Variants in EDRF1 observed in about 807,000 individuals in gnomAD.
EDRF1 encodes the protein erythroid differentiation regulatory factor 1.
In EDRF1, 69 loss-of-function variants were observed where a neutral mutation model predicts 148.7. The ratio of observed to expected loss-of-function variants is 0.46; its 90% CI spans 0.38 to 0.57. The LOEUF is 0.57. Ranked by LOEUF, EDRF1 falls within the 20% of genes least tolerant of loss-of-function variation. The probability of loss-of-function intolerance (pLI) is 0.00; values close to 1 mark genes in which losing one functional copy is unlikely to be tolerated. For missense variants in EDRF1, 1,118 were observed against 1,478.7 expected (o/e 0.76, Z 4.00); for synonymous variants, 515 against 532.8 (o/e 0.97, Z 0.46).
chr10:125,756,698 A>G (rs1425292717), intron 24 of EDRF1: 2 of 344,022 alleles, frequency 5.8e-6, no homozygotes, highest in Non-Finnish European at 1.1e-5. Flanking sequence ...TTGATAATAT[A>G]GCTACTCAAC....
intron 13 of EDRF1, 115 bp downstream of exon 13, chr10:125,736,019 C>T (rs553713350): frequency 2.0e-6 from 2 of 1,024,234 alleles, no homozygotes; most frequent in African/African-American, 3.2e-5. Flanking sequence ...GGTCTAGCAT[C>T]TAGTAATCAT....
At chr10:125,731,258 A>C (rs1047866090) in intron 9 of EDRF1, among the ~76,000 whole-genome samples, 1 of 152,244 alleles carries the variant, frequency 6.6e-6, no homozygotes, top group Non-Finnish European at 1.5e-5. Context: ...TAATATGCAG[A>C]GAGAACAGTA....
In EDRF1 at chr10:125,738,003, T is replaced by G. The variant is rs1230757713; in HGVS notation, c.1830+14T>G. On this transcript the variant is annotated intron_variant, in intron 14 of 24. Coordinates refer to ENST00000356792, the MANE Select transcript of EDRF1 (RefSeq NM_001202438.2). ...TATGTTCTAGAGGTAAGTTTAAGTT[T>G]AGTCTTCACTTTTTTCGTAAAGTTT... 11 of 1,612,332 alleles carry G rather than the reference T, an allele frequency of 6.8e-6. No homozygotes were observed. The highest frequency in any genetic ancestry group is 9.3e-6 in the Non-Finnish European group (11 of 1,178,428).
In EDRF1 at chr10:125,763,348, A is replaced by G; in HGVS notation, c.3593A>G (p.Tyr1198Cys). 1 of 1,613,540 alleles carries G rather than the reference A, an allele frequency of 6.2e-7. No individual in the cohort carries two copies. Among genetic ancestry groups the G allele is most frequent in the Non-Finnish European group, 8.5e-7 (1 of 1,179,982 alleles). The change falls in exon 25 of 25, where the codon TAC becomes TGC. Residue 1198 changes from tyrosine to cysteine, a missense_variant. By Grantham distance (194) the Tyr-to-Cys change is radical. Coordinates refer to ENST00000356792, the MANE Select transcript of EDRF1 (RefSeq NM_001202438.2). This position sits in a 1 kb window ranked among gnomAD's most constrained non-coding sequence, Gnocchi z 4.3. The part of the protein sequence containing the change: ...DTILKTNKHI[Y>C]SQLLRATANK... ...ATTCTCAAAACCAACAAGCACATTT[A>G]CTCCCAGCTTTTGAGAGCAACTGCA...
intron 13 of EDRF1, 148 bp from the exon 14 acceptor site, chr10:125,737,770 A>G: frequency 1.3e-6 from 1 of 740,974 alleles, no homozygotes; most frequent in Non-Finnish European, 2.3e-6. Context: ...TTAAAATTGT[A>G]AGTACTTAAA....
Position 125,745,794 on chromosome 10 carries a change from T to C in EDRF1, c.2678T>C (p.Ile893Thr), listed in dbSNP as rs747758632. Residue 893 changes from isoleucine (I) to threonine (T), a missense_variant, in exon 19 of 25, where the codon ATT (isoleucine) becomes ACT (threonine). By Grantham distance (89) the Ile-to-Thr change is moderately conservative. Coordinates refer to ENST00000356792, the MANE Select transcript of EDRF1 (RefSeq NM_001202438.2). ...FEKGIHNFES[I>T]EDATNAALLL... is the part of the protein sequence containing the mutation. ...AAGGGAATTCACAACTTTGAATCAA[T>C]TGAGGATGCCACCAATGCCGCCCTT... is the stretch of plus-strand genomic sequence containing the variant. The C allele has an allele frequency of 1.5e-5, 25 of 1,614,112 alleles. No individual in the cohort carries two copies. The highest frequency in any genetic ancestry group is 2.0e-5 in the Non-Finnish European group (24 of 1,180,050).
rs372447225 is a variant in EDRF1, at chr10:125,742,651, G to A, written c.2372-407G>A. The A allele has an allele frequency of 3.7e-5, 36 of 984,922 alleles. No individual in the cohort carries two copies. The East Asian group carries it at 2.3e-3, about 62-fold the overall frequency. The allele number at this position is 984,922 out of a possible 1,614,324, so 61.0% of individuals were successfully genotyped here. On this transcript the variant is annotated intron_variant, in intron 17 of 24. Coordinates refer to ENST00000356792, the MANE Select transcript of EDRF1 (RefSeq NM_001202438.2). Reference sequence around the variant, plus strand: ...CCACTAGATGGCATTTTTAATCTTCGAGGGCTTCTGTAGCAGCCTCTTCAG... The same window carrying A: ...CCACTAGATGGCATTTTTAATCTTCAAGGGCTTCTGTAGCAGCCTCTTCAG...
chr10:125,747,613 C>A lies in EDRF1; in HGVS notation c.2892C>A (p.Asn964Lys), dbSNP rs749297372. 41 of 1,614,020 alleles carry A rather than the reference C, an allele frequency of 2.5e-5. No homozygotes were observed. Among genetic ancestry groups the A allele is most frequent in the Non-Finnish European group, 3.4e-5 (40 of 1,180,006 alleles). ...ACCCAGCTGTTTGGGATTCAGTGAA[C>A]TGGGAATTGTCCACTACTTACTTTA... ...DIHPAVWDSV[N>K]WELSTTYFTM... The change falls in exon 20 of 25, where the codon AAC becomes AAA. Residue 964 changes from asparagine (N) to lysine (K), a missense_variant. This residue lies in a region of EDRF1 where 954 missense variants were observed against 1,241.4 expected (regional missense o/e 0.77). Coordinates refer to ENST00000356792, the MANE Select transcript of EDRF1 (RefSeq NM_001202438.2).
chr10:125,745,877 G>A lies in EDRF1; in HGVS notation c.2761G>A (p.Gly921Arg). 2 of 1,614,238 alleles carry A rather than the reference G, an allele frequency of 1.2e-6. No individual in the cohort carries two copies. Among genetic ancestry groups the A allele is most frequent in the Non-Finnish European group, 1.7e-6 (2 of 1,180,042 alleles). The change falls in exon 19 of 25, where the codon GGG (glycine) becomes AGG (arginine). Residue 921 changes from glycine to arginine, a missense_variant. This residue lies in a region of EDRF1 where 954 missense variants were observed against 1,241.4 expected (regional missense o/e 0.77). Transcript: ENST00000356792. Reference protein sequence around the residue: ...RICAQAHCGAGDELKREFSPE... With the variant: ...RICAQAHCGARDELKREFSPE... ...TTGTGCGCAGGCCCACTGTGGTGCA[G>A]GGGATGAACTGAAACGTGAATTTTC...
chr10:125,747,080 G>C (rs1213562431), intron 19 of EDRF1: 4 of 158,696 alleles, frequency 2.5e-5, no homozygotes, highest in African/African-American at 9.6e-5. Context: ...GGGTGATTAA[G>C]TGTGGTTTTG....
At position 125,719,794 on chromosome 10, in the gene EDRF1, C is replaced by A. The variant is rs1469168046; in HGVS notation, c.-14C>A. 6.2e-6 allele frequency: 10 copies of A among 1,607,132 alleles called. No homozygotes were observed. Among genetic ancestry groups the A allele is most frequent in the Non-Finnish European group, 6.8e-6 (8 of 1,176,444 alleles). On this transcript the variant is annotated 5_prime_UTR_variant, in exon 1 of 25. Transcript: ENST00000356792. ...TCCGCTCCCCCGTCGTATCGCCTGC[C>A]CTGGATCGAAGTGATGGGGGATGCC...
intron 8 of EDRF1, among the ~76,000 whole-genome samples, 185 bp downstream of exon 8, chr10:125,729,664 C>T (rs1284272585): frequency 6.6e-6 from 1 of 152,174 alleles, no homozygotes; most frequent in Non-Finnish European, 1.5e-5. Context: ...CTTCCTCTTT[C>T]TCTAGGTTTT....
intron 24 of EDRF1, among the ~76,000 whole-genome samples, chr10:125,758,698 C>T (rs1278051663): frequency 1.3e-5 from 2 of 152,158 alleles, no homozygotes; most frequent in African/African-American, 4.8e-5. Flanking sequence ...TTTTGTTTTG[C>T]ACCTTAGAGA....
At chr10:125,723,163 T>G (rs746960555) in intron 3 of EDRF1, 29 bp downstream of exon 3, 4 of 1,599,694 alleles carry the variant, frequency 2.5e-6, no homozygotes, top group Non-Finnish European at 2.6e-6. Flanking sequence ...TTAATGTAAT[T>G]TTGGAGGTGT....
intron 23 of EDRF1, among the ~76,000 whole-genome samples, 193 bp from the exon 24 acceptor site, chr10:125,753,501 G>T (rs1849744001): frequency 6.6e-6 from 1 of 152,136 alleles, no homozygotes; most frequent in Admixed American, 6.5e-5. Flanking sequence ...CTACAAAAGT[G>T]CCTATTGGGG....
intron 18 of EDRF1, chr10:125,744,877 C>G (rs1426891537): frequency 6.6e-6 from 1 of 152,200 alleles, no homozygotes; most frequent in Admixed American, 6.5e-5. Context: ...GTGCTTTTTC[C>G]TATACATACA....
Position 125,763,340 on chromosome 10 carries a change from G to A in EDRF1, c.3585G>A (p.Lys1195=), listed in dbSNP as rs946552878. Residue 1195 remains lysine (K), a synonymous_variant, in exon 25 of 25, where the codon AAG becomes AAA. Transcript: ENST00000356792. The surrounding 1 kb of genome is among the most constrained non-coding windows in gnomAD (Gnocchi z 4.3). The part of the protein sequence containing the change: ...IEDDTILKTN[K]HIYSQLLRAT... ...ATGACACAATTCTCAAAACCAACAA[G>A]CACATTTACTCCCAGCTTTTGAGAG... 6.2e-7 allele frequency: 1 copy of A among 1,613,428 alleles called. No homozygotes were observed. The highest frequency in any genetic ancestry group is 1.7e-5 in the Admixed American group (1 of 60,018).
chr10:125,754,803 A>G (rs1422242368), intron 24 of EDRF1, among the ~76,000 whole-genome samples: 1 of 152,252 alleles, frequency 6.6e-6, no homozygotes, highest in Non-Finnish European at 1.5e-5. Flanking sequence ...AAAGGAAATG[A>G]CAACCATTTA....
chr10:125,746,054 A>G lies in EDRF1; in HGVS notation c.2814+124A>G, dbSNP rs1049087509. On this transcript the variant is annotated intron_variant, in intron 19 of 24. Coordinates refer to ENST00000356792, the MANE Select transcript of EDRF1 (RefSeq NM_001202438.2). Reference sequence around the variant, plus strand: ...TAAACTCTGCTAATGATACAACACCAGACAGATCGTGAAAACACTTGCAAC... The same window carrying G: ...TAAACTCTGCTAATGATACAACACCGGACAGATCGTGAAAACACTTGCAAC... 9 of 846,600 alleles carry G rather than the reference A, an allele frequency of 1.1e-5. No homozygotes were observed. In the Admixed American group the frequency reaches 1.8e-4, roughly 17 times the overall value. The allele number at this position is 846,600 out of a possible 1,614,324, so 52.4% of individuals were successfully genotyped here. A position where few individuals can be genotyped will look rare whatever the true frequency, so the allele number is the denominator to read the frequency against.
Sources: gnomAD v4.1 joint callset for allele counts (sites outside exome capture counted in the v4.1 genomes callset) on GRCh38, gnomAD v4.1.1 for gene constraint, gnomAD v4.1.1 regional missense constraint, Gnocchi (gnomAD v3.1) non-coding constraint, MANE v1.5 for transcripts, NCBI Gene and HGNC (gene_info 2026-07-23, HGNC 2026-07-21) for gene names.